Variants in MYRFL observed in about 807,000 individuals in gnomAD.
MYRFL encodes myelin regulatory factor-like protein.
In MYRFL, 88 loss-of-function variants were observed where a neutral mutation model predicts 109.4. That is an observed-to-expected ratio of 0.80 (90% CI 0.68 to 0.96). The LOEUF (loss-of-function observed/expected upper bound fraction) is 0.96. Ranked by LOEUF, MYRFL falls within the 40% of genes least tolerant of loss-of-function variation. MYRFL has a pLI of 0.00. For missense variants in MYRFL, 957 were observed against 954.9 expected (o/e 1.00, Z -0.03); for synonymous variants, 324 against 320.9 (o/e 1.01, Z -0.10).
chr12:69,903,880 AC>A, intron 11 of MYRFL, 36 bp downstream of exon 11: 1 of 1,483,778 alleles, frequency 6.7e-7, no homozygotes. Context: ...CCCTCCTCTG[AC>A]ACCCCAGTCA....
chr12:69,838,996 A>G (rs1033699164), intron 1 of MYRFL, among the ~76,000 whole-genome samples: 1 of 152,246 alleles, frequency 6.6e-6, no homozygotes, highest in Non-Finnish European at 1.5e-5. Flanking sequence ...CATCGAGCCA[A>G]CCAGCAGTCA....
intron 13 of MYRFL, among the ~76,000 whole-genome samples, chr12:69,918,170 T>C (rs1954806840): frequency 6.6e-6 from 1 of 152,176 alleles, no homozygotes; most frequent in Non-Finnish European, 1.5e-5. Flanking sequence ...CTTTGAAATA[T>C]CAGAAGGGCT....
intron 8 of MYRFL, 118 bp from the exon 9 acceptor site, chr12:69,895,251 TCA>T: frequency 1.4e-6 from 1 of 706,788 alleles, no homozygotes; most frequent in Non-Finnish European, 2.3e-6. Context: ...AACTGTTCTC[TCA>T]GTGTGGTGAG....
intron 16 of MYRFL, among the ~76,000 whole-genome samples, chr12:69,934,513 A>G (rs1192538472): frequency 2.0e-5 from 3 of 152,206 alleles, no homozygotes; most frequent in Non-Finnish European, 4.4e-5. Context: ...GCAAAGGGCC[A>G]ATGACACAGC....
At chr12:69,918,730 T>C (rs1454064868) in intron 13 of MYRFL, among the ~76,000 whole-genome samples, 1 of 152,222 alleles carries the variant, frequency 6.6e-6, no homozygotes, top group African/African-American at 2.4e-5. Flanking sequence ...CATCTCTTTC[T>C]TATGTTAGCT....
intron 13 of MYRFL, among the ~76,000 whole-genome samples, chr12:69,921,123 A>G (rs2120426826): frequency 6.6e-6 from 1 of 152,340 alleles, no homozygotes; most frequent in East Asian, 1.9e-4. Flanking sequence ...GGGTTCAATT[A>G]CAAAATGGTT....
chr12:69,891,247 C>A, intron 7 of MYRFL, 81 bp downstream of exon 7: 1 of 1,048,188 alleles, frequency 9.5e-7, no homozygotes, highest in Non-Finnish European at 1.3e-6. Flanking sequence ...ACAAACTATC[C>A]CAAAATGACT....
intron 2 of MYRFL, 146 bp downstream of exon 2, chr12:69,855,516 A>G: frequency 5.5e-6 from 3 of 546,108 alleles, no homozygotes; most frequent in South Asian, 2.8e-5. Flanking sequence ...TTTGACAAAT[A>G]TCACCACTGC....
chr12:69,958,124 C>T (rs1294715021), intron 23 of MYRFL, 125 bp from the exon 24 acceptor site: 4 of 1,167,480 alleles, frequency 3.4e-6, no homozygotes, highest in East Asian at 2.6e-5. Context: ...TAGCAACACC[C>T]ATCAAAAGCT....
intron 12 of MYRFL, among the ~76,000 whole-genome samples, 167 bp downstream of exon 12, chr12:69,910,244 G>C (rs1954515289): frequency 6.6e-6 from 1 of 152,138 alleles, no homozygotes; most frequent in Non-Finnish European, 1.5e-5. Context: ...AAAAATTTCT[G>C]TGTCATTTTT....
chr12:69,861,640 G>C (rs1884675682), intron 2 of MYRFL, among the ~76,000 whole-genome samples: 1 of 152,100 alleles, frequency 6.6e-6, no homozygotes, highest in South Asian at 2.1e-4. Flanking sequence ...TGTAGATTCT[G>C]GATATTAGCC....
chr12:69,888,768 G>C (rs1886611552), intron 6 of MYRFL, among the ~76,000 whole-genome samples: 1 of 152,170 alleles, frequency 6.6e-6, no homozygotes, highest in East Asian at 1.9e-4. Flanking sequence ...AACTAAGACG[G>C]TTCTTATTAC....
intron 13 of MYRFL, among the ~76,000 whole-genome samples, chr12:69,917,354 T>A (rs1954767990): frequency 1.4e-5 from 2 of 147,466 alleles, no homozygotes; most frequent in Non-Finnish European, 3.0e-5. Flanking sequence ...TATTTGTCCC[T>A]AACTGAAATC....
At chr12:69,922,509 G>A (rs1954945579) in intron 13 of MYRFL, among the ~76,000 whole-genome samples, 2 of 152,094 alleles carry the variant, frequency 1.3e-5, no homozygotes, top group Admixed American at 1.3e-4. Flanking sequence ...CCCCATGTAT[G>A]CCTCACTCAA....
chr12:69,877,133 C>T (rs987549488), intron 2 of MYRFL, among the ~76,000 whole-genome samples: 7 of 151,628 alleles, frequency 4.6e-5, no homozygotes, highest in Non-Finnish European at 1.0e-4. Flanking sequence ...ACGCCATTCT[C>T]CTGCCTCAGC....
At position 69,895,631 on chromosome 12, in the gene MYRFL, A is replaced by G; in HGVS notation, c.1091+150A>G. 3 of 621,036 alleles carry G rather than the reference A, an allele frequency of 4.8e-6. No homozygotes were observed. The South Asian group carries it at 5.9e-5, about 12-fold the overall frequency. The allele number at this position is 621,036 out of a possible 1,614,324, so 38.5% of individuals were successfully genotyped here. On this transcript the variant is annotated intron_variant, in intron 9 of 24. Coordinates refer to ENST00000552032, the MANE Select transcript of MYRFL (RefSeq NM_182530.3). ...TCCTCCCTTCTCTGACTCTCAGTTTATTAACATTTCTCCTTTACCTGTGGA... is the reference window on the plus strand; with the variant it reads ...TCCTCCCTTCTCTGACTCTCAGTTTGTTAACATTTCTCCTTTACCTGTGGA...
chr12:69,836,193 C>T (rs545803843), intron 1 of MYRFL, among the ~76,000 whole-genome samples: 8 of 152,306 alleles, frequency 5.3e-5, no homozygotes, highest in Admixed American at 1.3e-4. Context: ...GCCGGCATGC[C>T]GGTGTGGGTC....
intron 1 of MYRFL, 88 bp from the exon 2 acceptor site, chr12:69,855,192 C>G: frequency 3.1e-6 from 2 of 637,588 alleles, no homozygotes; most frequent in Admixed American, 4.7e-5. Context: ...AAGACACAGT[C>G]CCTGACCTTA....
chr12:69,905,373 A>G (rs967194286), intron 11 of MYRFL, among the ~76,000 whole-genome samples: 3 of 152,262 alleles, frequency 2.0e-5, no homozygotes, highest in Admixed American at 6.5e-5. Context: ...AACTTCTCAC[A>G]TCCCTTCTAA....
Sources: allele counts gnomAD v4.1 joint callset (sites outside exome capture counted in the v4.1 genomes callset), GRCh38; gene constraint gnomAD v4.1.1; transcripts MANE v1.5; gene names NCBI Gene and HGNC (gene_info 2026-07-23, HGNC 2026-07-21).